The following ZMYM5 variants were observed in gnomAD, a reference collection of about 807,000 sequenced individuals.
ZMYM5 encodes zinc finger MYM-type containing 5, also known as zinc finger MYM-type protein 5.
Under a neutral mutation model 61.8 loss-of-function variants are expected in ZMYM5, and 41 were observed. That is an observed-to-expected ratio of 0.66 (90% CI 0.52 to 0.86). The LOEUF (loss-of-function observed/expected upper bound fraction) is 0.86, where lower values mean the gene tolerates loss of function less well. Ranked by LOEUF, ZMYM5 falls within the 40% of genes least tolerant of loss-of-function variation. The pLI, the probability that ZMYM5 is intolerant of heterozygous loss-of-function variation, is 0.00. For missense variants in ZMYM5, 706 were observed against 786.7 expected (o/e 0.90, Z 1.23); for synonymous variants, 257 against 276.4 (o/e 0.93, Z 0.70).
At chr13:19,851,320 T>C in intron 4 of ZMYM5, 35 bp downstream of exon 4, 1 of 1,552,010 alleles carries the variant, frequency 6.4e-7, no homozygotes, top group Non-Finnish European at 8.9e-7. Flanking sequence ...AAGGCTTATT[T>C]ACTTGAGGTA....
chr13:19,834,968 A>G lies in ZMYM5; in HGVS notation c.1251+509T>C, dbSNP rs184174466. Among the ~76,000 whole-genome samples the G allele has an allele frequency of 4.9e-4, 74 of 149,554 alleles. 1 individual carries two copies. Among genetic ancestry groups the G allele is most frequent in the African/African-American group, 1.6e-3 (65 of 40,928 alleles). On this transcript the variant is annotated intron_variant, in intron 7 of 7. Coordinates refer to ENST00000337963, the MANE Select transcript of ZMYM5 (RefSeq NM_001142684.2). ...CCAAAGTGCTGGGATTACAAGTGTT[A>G]GCCACTGTGCCTGATCATTTTCTTT...
At chr13:19,856,374 C>T (rs1953510184) in intron 2 of ZMYM5, among the ~76,000 whole-genome samples, 1 of 152,160 alleles carries the variant, frequency 6.6e-6, no homozygotes, top group African/African-American at 2.4e-5. Context: ...GGCCAGATGG[C>T]TCATGTCTGT....
intron 6 of ZMYM5, among the ~76,000 whole-genome samples, chr13:19,835,980 C>T (rs1005293435): frequency 2.0e-5 from 3 of 152,058 alleles, no homozygotes; most frequent in Non-Finnish European, 4.4e-5. Context: ...CCCGCCACCA[C>T]GCCCAGCTAA....
chr13:19,839,114 C>T (rs1952773823), intron 4 of ZMYM5, 129 bp from the exon 5 acceptor site: 1 of 1,045,798 alleles, frequency 9.6e-7, no homozygotes, highest in Non-Finnish European at 1.4e-6. Context: ...TAAGGCCAAA[C>T]ACTCTTGATG....
intron 2 of ZMYM5, among the ~76,000 whole-genome samples, chr13:19,858,071 C>T (rs1234997746): frequency 6.6e-6 from 1 of 151,012 alleles, no homozygotes; most frequent in African/African-American, 2.4e-5. Flanking sequence ...TGGTGCACGC[C>T]TGTAATCCCC....
At chr13:19,841,232 G>C (rs546892851) in intron 4 of ZMYM5, among the ~76,000 whole-genome samples, 4 of 152,252 alleles carry the variant, frequency 2.6e-5, no homozygotes, top group African/African-American at 9.6e-5. Context: ...AAAGTGCTGG[G>C]ATTACAGGCG....
Position 19,852,045 on chromosome 13 carries a change from A to C in ZMYM5, c.136T>G (p.Ser46Ala). 1 of 1,613,952 alleles carries C rather than the reference A, an allele frequency of 6.2e-7. No homozygotes were observed. The part of the protein sequence containing the change: ...GHPACPLVSR[S>A]RNSPVEDDDD... ...TCATCTTCCACTGGTGAGTTCCTAG[A>C]TCTACTGACTAAAGGACAAGCTGGA... Residue 46 changes from serine (S) to alanine (A), a missense_variant, in exon 3 of 8, where the codon TCT becomes GCT. Physicochemically the swap from Ser to Ala is moderately conservative, Grantham distance 99. Transcript: ENST00000337963.
chr13:19,836,824 A>C (rs561717204), intron 6 of ZMYM5, among the ~76,000 whole-genome samples: 1 of 152,234 alleles, frequency 6.6e-6, no homozygotes, highest in South Asian at 2.1e-4. Context: ...AGACTTTTAT[A>C]AAGTGAGGAC....
At position 19,852,151 on chromosome 13, in the gene ZMYM5, C is replaced by T. The variant is rs779791460; in HGVS notation, c.30G>A (p.Glu10=). 3.1e-6 allele frequency: 5 copies of T among 1,607,070 alleles called. No individual in the cohort carries two copies. In the Middle Eastern group the frequency reaches 5.0e-4, roughly 160 times the overall value. Residue 10 remains glutamate, a synonymous_variant, in exon 3 of 8, where the codon GAG becomes GAA. Transcript: ENST00000337963. ...ATAAAGCAGGAGTCTGTTCAGTCAA[C>T]TCTAATCCTCCCACTGAACATTTTT... MEKCSVGGL[E]LTEQTPALLG... is the part of the protein sequence containing the mutation.
chr13:19,849,809 A>G (rs61950608), intron 4 of ZMYM5, among the ~76,000 whole-genome samples: 18,664 of 151,640 alleles, frequency 0.12, 1,420 homozygotes, highest in Admixed American at 0.18. Flanking sequence ...GTGAAACCCC[A>G]TCTCTACTAA....
chr13:19,830,487 A>G (rs1242623725), intron 7 of ZMYM5, among the ~76,000 whole-genome samples: 1 of 151,756 alleles, frequency 6.6e-6, no homozygotes, highest in Non-Finnish European at 1.5e-5. Flanking sequence ...TGATCCTCCC[A>G]CCTCAGCTTT....
rs1952717030 is a variant in ZMYM5, at chr13:19,837,656, C to G, written c.1038G>C (p.Glu346Asp). Residue 346 changes from glutamate (E) to aspartate (D), a missense_variant and splice_region_variant, in exon 6 of 8, where the codon GAG becomes GAC. Transcript: ENST00000337963. ...ACAACTTAGGTATAAAAATCCAGACCTCTGCTAATTTACTACAAATTGTAC... is the reference window on the plus strand; with the variant it reads ...ACAACTTAGGTATAAAAATCCAGACGTCTGCTAATTTACTACAAATTGTAC... The part of the protein sequence containing the change: ...SRCTICSKLA[E>D]IRHEVSVNNV... The G allele has an allele frequency of 6.3e-7, 1 of 1,589,316 alleles. No individual in the cohort carries two copies. Among genetic ancestry groups the G allele is most frequent in the Non-Finnish European group, 8.5e-7 (1 of 1,174,172 alleles).
chr13:19,842,425 T>G (rs1566096118), intron 4 of ZMYM5, among the ~76,000 whole-genome samples: 5 of 152,184 alleles, frequency 3.3e-5, no homozygotes, highest in Admixed American at 6.5e-5. Flanking sequence ...GGAGGAACTT[T>G]GACTTCAAAC....
At chr13:19,827,822 G>T (rs1005508993) in intron 7 of ZMYM5, among the ~76,000 whole-genome samples, 1 of 151,524 alleles carries the variant, frequency 6.6e-6, no homozygotes, top group African/African-American at 2.4e-5. Context: ...ACGAGGTCAG[G>T]AGATCGAGAC....
rs759290944 is a variant in ZMYM5, at chr13:19,838,937, G to A, written c.635C>T (p.Pro212Leu). ...SASFPSNQKQ[P>L]GVDSLSPVAL... Reference sequence around the variant, plus strand: ...CACTGGTGATAAAGAATCCACCCCTGGCTGTTTCTGATTACTGGGAAATGA... The same window carrying A: ...CACTGGTGATAAAGAATCCACCCCTAGCTGTTTCTGATTACTGGGAAATGA... The change falls in exon 5 of 8, where the codon CCA (proline) becomes CTA (leucine). Residue 212 changes from proline to leucine, a missense_variant. Physicochemically the swap from Pro to Leu is moderately conservative, Grantham distance 98. Coordinates refer to ENST00000337963, the MANE Select transcript of ZMYM5 (RefSeq NM_001142684.2). 1.2e-6 allele frequency: 2 copies of A among 1,614,082 alleles called. No homozygotes were observed. Among genetic ancestry groups the A allele is most frequent in the South Asian group, 1.1e-5 (1 of 91,082 alleles).
intron 7 of ZMYM5, among the ~76,000 whole-genome samples, chr13:19,833,090 A>T (rs940648169): frequency 6.6e-6 from 1 of 152,110 alleles, no homozygotes; most frequent in Non-Finnish European, 1.5e-5. Context: ...TTTCTTAAAT[A>T]TTAGGTGCAA....
At chr13:19,860,013 A>G (rs1442671620) in intron 2 of ZMYM5, among the ~76,000 whole-genome samples, 3 of 146,598 alleles carry the variant, frequency 2.0e-5, no homozygotes, top group African/African-American at 5.0e-5. Flanking sequence ...CTGAGGCACA[A>G]GAATCGCTTG....
At chr13:19,836,228 A>AT (rs1348877023) in intron 6 of ZMYM5, among the ~76,000 whole-genome samples, 1 of 152,150 alleles carries the variant, frequency 6.6e-6, no homozygotes, top group Non-Finnish European at 1.5e-5. Context: ...TAAAATCAAT[A>AT]ATAACTTCCC....
At chr13:19,858,005 C>A (rs1415155580) in intron 2 of ZMYM5, among the ~76,000 whole-genome samples, 1 of 150,888 alleles carries the variant, frequency 6.6e-6, no homozygotes, top group Admixed American at 6.6e-5. Flanking sequence ...AGAGCAAGAC[C>A]CTGTCTCAAA....
Sources: allele counts gnomAD v4.1 joint callset (sites outside exome capture counted in the v4.1 genomes callset), GRCh38; gene constraint gnomAD v4.1.1; transcripts MANE v1.5; gene names NCBI Gene and HGNC (gene_info 2026-07-23, HGNC 2026-07-21).